The following LAMC3 variants were observed in gnomAD, a reference collection of about 807,000 sequenced individuals.
LAMC3 encodes the protein laminin subunit gamma 3.
A neutral mutation model predicts 173.8 loss-of-function variants in LAMC3; 128 were observed. That is an observed-to-expected ratio of 0.74 (90% confidence interval 0.64 to 0.85). The LOEUF is 0.85. Among genes scored for constraint, LAMC3 ranks in the 40% least tolerant of loss-of-function variants. The pLI, the probability that LAMC3 is intolerant of heterozygous loss-of-function variation, is 0.00. For missense variants in LAMC3, 2,022 were observed against 2,156.0 expected, an observed-to-expected ratio of 0.94 and a Z score of 1.23; for synonymous variants, 897 against 909.1, an observed-to-expected ratio of 0.99 and a Z score of 0.24.
chr9:131,067,981 TG>T, intron 14 of LAMC3, 96 bp from the exon 15 acceptor site: 3 of 1,322,648 alleles, frequency 2.3e-6, no homozygotes, highest in Non-Finnish European at 3.2e-6. Flanking sequence ...GTATCATCTC[TG>T]GAGGCTCCCC....
In LAMC3 at chr9:131,055,423, C is replaced by CTTTTTTT. The variant is rs56220728; in HGVS notation, c.1940-1493_1940-1487dup. Among the ~76,000 whole-genome samples the CTTTTTTT allele has an allele frequency of 7.7e-4, 84 of 109,206 alleles. 1 individual carries two copies. The highest frequency in any genetic ancestry group is 9.2e-4 in the African/African-American group (26 of 28,286). 71.6% of individuals were successfully genotyped at this position (109,206 alleles called of 152,430 possible). A position where few individuals can be genotyped will look rare whatever the true frequency, so the allele number is the denominator to read the frequency against. ...ATCCACACTCTTTTTTCTTTTCTTT[C>CTTTTTTT]TTTTTTTTTTTTTTTTTTTGAGACG... On this transcript the variant is annotated intron_variant, in intron 11 of 27. Transcript: ENST00000361069.
In LAMC3 at chr9:131,014,247, C is replaced by T. The variant is rs1011275839; in HGVS notation, c.373+4660C>T. Among the ~76,000 whole-genome samples, 10 of 152,228 alleles carry T rather than the reference C, an allele frequency of 6.6e-5. 1 individual carries two copies. The highest frequency in any genetic ancestry group is 2.4e-4 in the African/African-American group (10 of 41,452). Reference sequence around the variant, plus strand: ...CCCTTCAGCAAGGCCTTGGCTGGGCCGAGGCACTCTCTCTCCTCCAGCGCC... The same window carrying T: ...CCCTTCAGCAAGGCCTTGGCTGGGCTGAGGCACTCTCTCTCCTCCAGCGCC... On this transcript the variant is annotated intron_variant, in intron 1 of 27. Transcript: ENST00000361069.
rs149063251 is a variant in LAMC3 at position 131,056,694 on chromosome 9, G to A, written c.1940-235G>A. On this transcript the variant is annotated intron_variant, in intron 11 of 27. Transcript: ENST00000361069. ...TGTAGTCGCAGCTACTTGGGAGGGT[G>A]ACATGGTGGGATCACTGGAGACTAG... Among the ~76,000 whole-genome samples, 33 of 152,244 alleles carry A rather than the reference G, an allele frequency of 2.2e-4. No individual in the cohort carries two copies. The East Asian group carries it at 6.4e-3, about 29-fold the overall frequency.
In LAMC3 at chr9:131,079,495, C is replaced by A. The variant is rs529152739; in HGVS notation, c.3927+197C>A. ...GGATCACGAGGTCAGGAGATTGAGA[C>A]CATCCTGGCTAACATGGTGAAACCC... is the stretch of plus-strand genomic sequence containing the variant. On this transcript the variant is annotated intron_variant, in intron 23 of 27. Transcript: ENST00000361069. Among the ~76,000 whole-genome samples, 7 of 152,198 alleles carry A rather than the reference C, an allele frequency of 4.6e-5. No homozygotes were observed. In the South Asian group the frequency reaches 1.5e-3, roughly 32 times the overall value.
In LAMC3 at chr9:131,046,038, C is replaced by T. The variant is rs12335886; in HGVS notation, c.1519+378C>T. On this transcript the variant is annotated intron_variant, in intron 8 of 27. Coordinates refer to ENST00000361069, the MANE Select transcript of LAMC3 (RefSeq NM_006059.4). The stretch of plus-strand genomic sequence containing the variant: ...TATTGAGCACCTGCTGTTTGCCAGG[C>T]ACTGTGCTGAGCACCTAACATGCAA... Among the ~76,000 whole-genome samples the T allele has an allele frequency of 8.8e-3, 1,337 of 152,338 alleles. 16 individuals carry two copies. The highest frequency in any genetic ancestry group is 0.03 in the African/African-American group (1,241 of 41,574).
rs1160681671 is a variant in LAMC3 at position 131,071,475 on chromosome 9, C to T, written c.3070-9C>T. ...AGCCTCATACACCTTTTCTTCCTGT[C>T]CTCTCCAGGCAGCCAAGCTGAAGGC... On this transcript the variant is annotated splice_polypyrimidine_tract_variant and intron_variant, in intron 17 of 27. Coordinates refer to ENST00000361069, the MANE Select transcript of LAMC3 (RefSeq NM_006059.4). 4 of 1,613,574 alleles carry T rather than the reference C, an allele frequency of 2.5e-6. No homozygotes were observed. The highest frequency in any genetic ancestry group is 3.4e-6 in the Non-Finnish European group (4 of 1,179,924).
At chr9:131,022,243 C>CACACACACACACACACACACACACAT (rs1554782478) in intron 1 of LAMC3, among the ~76,000 whole-genome samples, 6 of 151,504 alleles carry the variant, frequency 4.0e-5, no homozygotes, top group South Asian at 2.1e-4. Flanking sequence ...CACACACACA[C>CACACACACACACACACACACACACAT]ATATATATGT....
Position 131,026,533 on chromosome 9 carries a change from TC to T in LAMC3, c.624del (p.Thr209ProfsTer30). On this transcript the variant is annotated frameshift_variant, in exon 2 of 28. Coordinates refer to ENST00000361069, the MANE Select transcript of LAMC3 (RefSeq NM_006059.4). LOFTEE classifies it high-confidence loss of function. This position sits in a 1 kb window ranked among gnomAD's most constrained non-coding sequence, Gnocchi z 4.8. ...SPLSGGNVAF[S>X]TLEGRPSAYN... Reference sequence around the variant, plus strand: ...GCTGAGTGGCGGCAACGTGGCCTTCTCCACCCTGGAGGGCCGGCCCAGCGCC... The same window carrying T: ...GCTGAGTGGCGGCAACGTGGCCTTCTCACCCTGGAGGGCCGGCCCAGCGCC... 1.2e-6 allele frequency: 2 copies of T among 1,611,360 alleles called. No individual in the cohort carries two copies. The highest frequency in any genetic ancestry group is 1.7e-6 in the Non-Finnish European group (2 of 1,179,318).
At chr9:131,064,971 G>C (rs1444057433) in intron 13 of LAMC3, among the ~76,000 whole-genome samples, 1 of 151,512 alleles carries the variant, frequency 6.6e-6, no homozygotes, top group East Asian at 1.9e-4. Flanking sequence ...AACCCAGTAG[G>C]TGGGGCTTGC....
intron 9 of LAMC3, among the ~76,000 whole-genome samples, chr9:131,050,339 A>C (rs1282082796): frequency 6.6e-6 from 1 of 152,224 alleles, no homozygotes; most frequent in African/African-American, 2.4e-5. Context: ...GTGGGGACAC[A>C]GAAACAAACG....
Position 131,079,287 on chromosome 9 carries a change from C to T in LAMC3, c.3916C>T (p.Pro1306Ser). ...AAQATLRQTEPLTKLHQEARA... is the reference protein window; with the variant it reads ...AAQATLRQTESLTKLHQEARA... ...CCAGGCGACGCTACGGCAAACAGAA[C>T]CCCTCACAAAGGTCAGCTCTTGTGC... The change falls in exon 23 of 28, where the codon CCC (proline) becomes TCC (serine). Residue 1306 changes from proline (P) to serine (S), a missense_variant. Coordinates refer to ENST00000361069, the MANE Select transcript of LAMC3 (RefSeq NM_006059.4). The T allele has an allele frequency of 1.9e-6, 3 of 1,614,186 alleles. No individual in the cohort carries two copies. The highest frequency in any genetic ancestry group is 2.5e-6 in the Non-Finnish European group (3 of 1,180,018).
chr9:131,073,332 A>G lies in LAMC3; in HGVS notation c.3494+11A>G. 1.2e-6 allele frequency: 2 copies of G among 1,608,108 alleles called. No individual in the cohort carries two copies. The highest frequency in any genetic ancestry group is 2.2e-5 in the East Asian group (1 of 44,862). ...TGCCCTCGCCAGGAGGTGAGTCCCA[A>G]GACATGGTGAGCTTACACCTGGCCC... On this transcript the variant is annotated intron_variant, in intron 20 of 27. Coordinates refer to ENST00000361069, the MANE Select transcript of LAMC3 (RefSeq NM_006059.4).
At chr9:131,048,413 T>A (rs1271166777) in intron 8 of LAMC3, among the ~76,000 whole-genome samples, 2 of 152,112 alleles carry the variant, frequency 1.3e-5, no homozygotes, top group Non-Finnish European at 2.9e-5. Flanking sequence ...ACATCTTCCT[T>A]TCTCTGACCT....
chr9:131,018,625 C>T (rs1404294990), intron 1 of LAMC3, among the ~76,000 whole-genome samples: 2 of 152,164 alleles, frequency 1.3e-5, no homozygotes, highest in Non-Finnish European at 2.9e-5. Flanking sequence ...GCTTCCCTCA[C>T]CTCCAGGCCG....
chr9:131,011,480 G>T (rs1833414200), intron 1 of LAMC3, among the ~76,000 whole-genome samples: 1 of 152,214 alleles, frequency 6.6e-6, no homozygotes, highest in Non-Finnish European at 1.5e-5. Context: ...GTGTCCTGGG[G>T]AGGGCTGGGA....
intron 23 of LAMC3, among the ~76,000 whole-genome samples, chr9:131,079,969 A>G (rs1032551679): frequency 2.0e-5 from 3 of 152,026 alleles, no homozygotes; most frequent in Non-Finnish European, 4.4e-5. Flanking sequence ...CTGTACCGAT[A>G]ATTTTGTTTT....
At chr9:131,083,865 C>CTTTTTTT (rs61109597) in intron 24 of LAMC3, among the ~76,000 whole-genome samples, 1 of 49,218 alleles carries the variant, frequency 2.0e-5, no homozygotes. Flanking sequence ...GTAATAAGTG[C>CTTTTTTT]TTTTTTTTTT....
intron 6 of LAMC3, among the ~76,000 whole-genome samples, chr9:131,040,415 G>GT (rs1298131887): frequency 6.6e-6 from 1 of 152,094 alleles, no homozygotes; most frequent in Non-Finnish European, 1.5e-5. Flanking sequence ...CTGGGCTCAA[G>GT]TAATCCACCC....
chr9:131,061,270 C>T (rs753255886), intron 13 of LAMC3, 47 bp downstream of exon 13: 1 of 1,519,048 alleles, frequency 6.6e-7, no homozygotes, highest in Admixed American at 1.8e-5. Flanking sequence ...GGGCCAAGCC[C>T]CGGCACTGTG....
Sources: allele counts gnomAD v4.1 joint callset (sites outside exome capture counted in the v4.1 genomes callset), GRCh38; gene constraint gnomAD v4.1.1; non-coding constraint Gnocchi (gnomAD v3.1); transcripts MANE v1.5; gene names NCBI Gene and HGNC (gene_info 2026-07-23, HGNC 2026-07-21).